TIAM1: variants seen among roughly 807,000 people sequenced by gnomAD.
TIAM1 encodes the protein rho guanine nucleotide exchange factor TIAM1.
TIAM1 carries 65 observed loss-of-function variants against 163.5 expected under a neutral mutation model. The ratio of observed to expected loss-of-function variants is 0.40; its 90% confidence interval spans 0.33 to 0.49. The LOEUF (loss-of-function observed/expected upper bound fraction) is 0.49. Ranked by LOEUF, TIAM1 falls within the 20% of genes least tolerant of loss-of-function variation. TIAM1 has a pLI of 0.77. For missense variants in TIAM1, 1,789 were observed against 2,044.7 expected (o/e 0.87, Z 2.41); for synonymous variants, 833 against 810.1 (o/e 1.03, Z -0.48).
chr21:31,182,781 C>A, intron 14 of TIAM1, 136 bp from the exon 15 acceptor site: 2 of 834,764 alleles, frequency 2.4e-6, no homozygotes, highest in East Asian at 2.8e-5. Context: ...CTGCGGTGCT[C>A]GGGAGTGATC....
chr21:31,315,319 C>T (rs2075073715), intron 2 of TIAM1, among the ~76,000 whole-genome samples: 1 of 151,878 alleles, frequency 6.6e-6, no homozygotes, highest in Non-Finnish European at 1.5e-5. Flanking sequence ...TCGAGACCAT[C>T]CTGGCTAACA....
intron 12 of TIAM1, among the ~76,000 whole-genome samples, chr21:31,199,500 C>T (rs1375225445): frequency 6.6e-6 from 1 of 151,772 alleles, no homozygotes; most frequent in African/African-American, 2.4e-5. Context: ...CCTGCCCAGG[C>T]CTTAGCCAGC....
chr21:31,455,279 C>CAAAA (rs59134253), intron 2 of TIAM1, among the ~76,000 whole-genome samples: 21 of 84,024 alleles, frequency 2.5e-4, no homozygotes, highest in African/African-American at 7.4e-4. Flanking sequence ...AACTCTGCCT[C>CAAAA]AAAAAAAAAA....
chr21:31,379,482 G>A (rs2147171240), intron 2 of TIAM1, among the ~76,000 whole-genome samples: 1 of 151,120 alleles, frequency 6.6e-6, no homozygotes, highest in South Asian at 2.1e-4. Context: ...CAAGTTATAA[G>A]TAACTCTAGA....
chr21:31,389,480 A>T (rs2076933466), intron 2 of TIAM1, among the ~76,000 whole-genome samples: 2 of 152,202 alleles, frequency 1.3e-5, no homozygotes, highest in South Asian at 4.1e-4. Flanking sequence ...AAGTGCTAGG[A>T]TTACAGGCGA....
rs138508048 is a variant in TIAM1, at chr21:31,189,017, C to T, written c.2576-1930G>A. 3.2e-3 allele frequency among the ~76,000 whole-genome samples: 475 copies of T among 148,918 alleles called. 4 individuals carry two copies. Among genetic ancestry groups the T allele is most frequent in the African/African-American group, 0.011 (440 of 40,440 alleles). On this transcript the variant is annotated intron_variant, in intron 13 of 27. Coordinates refer to ENST00000541036, the MANE Select transcript of TIAM1 (RefSeq NM_001353694.2). ...CCAATTAGATGGAGACATGGAGACA[C>T]CTCAGGTATGATTTGCTCCATTCCC...
At chr21:31,146,419 A>C (rs1308946128) in intron 20 of TIAM1, among the ~76,000 whole-genome samples, 7 of 150,808 alleles carry the variant, frequency 4.6e-5, no homozygotes, top group South Asian at 2.1e-4. Context: ...AAAAAAAAAA[A>C]AAAAAACAAG....
intron 1 of TIAM1, among the ~76,000 whole-genome samples, chr21:31,532,656 T>C (rs2048007236): frequency 6.6e-6 from 1 of 152,212 alleles, no homozygotes; most frequent in Non-Finnish European, 1.5e-5. Context: ...AGCCTTGTAC[T>C]TTTTAATCTC....
chr21:31,358,060 G>A (rs1443573056), intron 2 of TIAM1, among the ~76,000 whole-genome samples: 1 of 152,198 alleles, frequency 6.6e-6, no homozygotes, highest in Non-Finnish European at 1.5e-5. Context: ...CCCAAAGAAA[G>A]ACTTGCTGTC....
chr21:31,534,967 C>G (rs1417602920), intron 1 of TIAM1, among the ~76,000 whole-genome samples: 1 of 151,970 alleles, frequency 6.6e-6, no homozygotes, highest in Non-Finnish European at 1.5e-5. Context: ...TGTGGTGGCA[C>G]CAGCCCTGGC....
intron 8 of TIAM1, among the ~76,000 whole-genome samples, chr21:31,222,435 A>G (rs1384172262): frequency 1.3e-5 from 2 of 152,020 alleles, no homozygotes. Flanking sequence ...ATAAACACAC[A>G]ACACAACTAT....
chr21:31,123,843 ATTTAT>A (rs999321029), intron 27 of TIAM1: 2 of 152,184 alleles, frequency 1.3e-5, no homozygotes, highest in Non-Finnish European at 2.9e-5. Context: ...AGGTGGCAGT[ATTTAT>A]TTTATTTCTC....
At position 31,156,969 on chromosome 21, in the gene TIAM1, T is replaced by G. The variant is rs192323572; in HGVS notation, c.2992-2543A>C. Among the ~76,000 whole-genome samples, 141 of 152,362 alleles carry G rather than the reference T, an allele frequency of 9.3e-4. 1 individual carries two copies. Among genetic ancestry groups the G allele is most frequent in the Admixed American group, 9.1e-3 (140 of 15,306 alleles). On this transcript the variant is annotated intron_variant, in intron 16 of 27. Coordinates refer to ENST00000541036, the MANE Select transcript of TIAM1 (RefSeq NM_001353694.2). Reference sequence around the variant, plus strand: ...GAATTAATAGGAAAGCTACTGCTCATAGCAAATATATTCTTCACTGCAGTC... The same window carrying G: ...GAATTAATAGGAAAGCTACTGCTCAGAGCAAATATATTCTTCACTGCAGTC...
intron 2 of TIAM1, among the ~76,000 whole-genome samples, chr21:31,290,896 G>C (rs1351153978): frequency 1.3e-5 from 2 of 152,098 alleles, no homozygotes; most frequent in East Asian, 3.9e-4. Context: ...CACCATTAAG[G>C]AGACATGTGC....
chr21:31,484,806 T>C (rs1309921312), intron 1 of TIAM1, among the ~76,000 whole-genome samples: 2 of 152,078 alleles, frequency 1.3e-5, no homozygotes, highest in African/African-American at 2.4e-5. Context: ...CAAATTCCTA[T>C]CTCCCTGAAA....
At chr21:31,398,986 G>A (rs2077120268) in intron 2 of TIAM1, among the ~76,000 whole-genome samples, 1 of 152,072 alleles carries the variant, frequency 6.6e-6, no homozygotes, top group South Asian at 2.1e-4. Context: ...GACCAGCTTA[G>A]CCAACATGGA....
At chr21:31,142,463 CAAAAAAAAA>C (rs34368848) in intron 20 of TIAM1, among the ~76,000 whole-genome samples, 2 of 49,926 alleles carry the variant, frequency 4.0e-5, no homozygotes, top group African/African-American at 1.9e-4. Flanking sequence ...ACTAAAAATA[CAAAAAAAAA>C]AAAAAAAAAA....
In TIAM1 at chr21:31,245,675, C is replaced by A; in HGVS notation, c.1412-15G>T. On this transcript the variant is annotated splice_polypyrimidine_tract_variant and intron_variant, in intron 5 of 27. Transcript: ENST00000541036. ...TAGCGTGCATCCTGAGGAAACAGAA[C>A]AGGGGTGTGCATGAGTATTCAGTGC... is the stretch of plus-strand genomic sequence containing the variant. 2 of 1,532,076 alleles carry A rather than the reference C, an allele frequency of 1.3e-6. No individual in the cohort carries two copies. The highest frequency in any genetic ancestry group is 1.8e-6 in the Non-Finnish European group (2 of 1,136,624). 94.9% of individuals were successfully genotyped at this position (1,532,076 alleles called of 1,614,324 possible). A position where few individuals can be genotyped will look rare whatever the true frequency, so the allele number is the denominator to read the frequency against.
chr21:31,173,418 ACT>A (rs1432119708), intron 15 of TIAM1, among the ~76,000 whole-genome samples: 8 of 152,196 alleles, frequency 5.3e-5, no homozygotes, highest in Admixed American at 5.2e-4. Flanking sequence ...CAGTCATTTT[ACT>A]GTTATAAGAT....
Sources: allele counts gnomAD v4.1 joint callset (sites outside exome capture counted in the v4.1 genomes callset), GRCh38; gene constraint gnomAD v4.1.1; transcripts MANE v1.5; gene names NCBI Gene and HGNC (gene_info 2026-07-23, HGNC 2026-07-21).